CYB5R3: variants seen among roughly 807,000 people sequenced by gnomAD.
CYB5R3 encodes cytochrome b5 reductase 3.
CYB5R3 carries 28 observed loss-of-function variants against 36.5 expected under a neutral mutation model. That is an observed-to-expected ratio of 0.77 (90% CI 0.57 to 1.05). The LOEUF is 1.05. Ranked by LOEUF, CYB5R3 falls within the 50% of genes least tolerant of loss-of-function variation. CYB5R3 has a pLI of 0.00. For missense variants in CYB5R3, 474 were observed against 408.9 expected, an observed-to-expected ratio of 1.16 and a Z score of -1.37; for synonymous variants, 181 against 159.8, an observed-to-expected ratio of 1.13 and a Z score of -1.00.
At chr22:42,636,626 A>G in intron 2 of CYB5R3, 89 bp downstream of exon 2, 1 of 1,555,970 alleles carries the variant, frequency 6.4e-7, no homozygotes, top group Non-Finnish European at 8.7e-7. Flanking sequence ...AACAGTATCT[A>G]CTTCAGAGCA....
chr22:42,630,788 G>A, intron 4 of CYB5R3, 94 bp downstream of exon 4: 2 of 1,097,010 alleles, frequency 1.8e-6, no homozygotes, highest in Non-Finnish European at 2.7e-6. Flanking sequence ...CACAGGGCAG[G>A]AGCGGGAGAC....
chr22:42,622,453 A>C (rs1435311224), intron 8 of CYB5R3, among the ~76,000 whole-genome samples: 1 of 152,178 alleles, frequency 6.6e-6, no homozygotes, highest in Admixed American at 6.5e-5. Context: ...CAGGTGGAGC[A>C]GCCGACCTGG....
Position 42,627,294 on chromosome 22 carries a change from GC to G in CYB5R3, c.633+9del, listed in dbSNP as rs1928322425. ...AGCTGAGTTTCCCCATCATGGGGAT[GC>G]CCACTGACCTGGTTGGCAAAGAGCA... On this transcript the variant is annotated intron_variant, in intron 7 of 8. Transcript: ENST00000352397. 1 of 1,612,608 alleles carries G rather than the reference GC, an allele frequency of 6.2e-7. No individual in the cohort carries two copies. The highest frequency in any genetic ancestry group is 1.3e-5 in the African/African-American group (1 of 74,914).
chr22:42,634,844 G>A, intron 2 of CYB5R3, among the ~76,000 whole-genome samples: 1 of 135,596 alleles, frequency 7.4e-6, no homozygotes, highest in East Asian at 2.5e-4. Flanking sequence ...TTGCTCTGTA[G>A]CCCAGGCTGG....
intron 1 of CYB5R3, among the ~76,000 whole-genome samples, chr22:42,637,763 G>A (rs1015476891): frequency 1.3e-5 from 2 of 152,146 alleles, no homozygotes; most frequent in Non-Finnish European, 2.9e-5. Flanking sequence ...CCACCATTTC[G>A]CAGATGAGGA....
At chr22:42,635,076 TCTC>T (rs1363303110) in intron 2 of CYB5R3, among the ~76,000 whole-genome samples, 2 of 151,990 alleles carry the variant, frequency 1.3e-5, no homozygotes, top group African/African-American at 4.8e-5. Context: ...TTCACGTCAT[TCTC>T]CTGCCTCAGC....
intron 3 of CYB5R3, 143 bp from the exon 4 acceptor site, chr22:42,631,131 C>A: frequency 1.2e-6 from 1 of 844,256 alleles, no homozygotes; most frequent in South Asian, 1.5e-5. Context: ...CCACCCCTCC[C>A]GGGGATTCCC....
intron 1 of CYB5R3, among the ~76,000 whole-genome samples, chr22:42,647,921 A>G (rs934511305): frequency 2.0e-5 from 3 of 152,194 alleles, no homozygotes; most frequent in Non-Finnish European, 4.4e-5. Context: ...GGACGTGGCC[A>G]TAAATCCAAC....
chr22:42,637,090 A>G lies in CYB5R3; in HGVS notation c.22-244T>C, dbSNP rs550878964. On this transcript the variant is annotated intron_variant, in intron 1 of 8. Transcript: ENST00000352397. Reference sequence around the variant, plus strand: ...GCTTCTATGCTCAGTACCATGAGAAAAAGCTCCATTTCCTCTGAAGAGCCA... The same window carrying G: ...GCTTCTATGCTCAGTACCATGAGAAGAAGCTCCATTTCCTCTGAAGAGCCA... Among the ~76,000 whole-genome samples, 8 of 152,320 alleles carry G rather than the reference A, an allele frequency of 5.3e-5. No individual in the cohort carries two copies. In the South Asian group the frequency reaches 1.7e-3, roughly 32 times the overall value.
chr22:42,631,111 C>G, intron 3 of CYB5R3, 123 bp from the exon 4 acceptor site: 1 of 940,586 alleles, frequency 1.1e-6, no homozygotes, highest in Non-Finnish European at 1.7e-6. Flanking sequence ...TCAGCTCCCA[C>G]GGCCCCCTCC....
intron 5 of CYB5R3, among the ~76,000 whole-genome samples, 188 bp from the exon 6 acceptor site, chr22:42,627,876 C>T (rs1012907738): frequency 6.6e-6 from 1 of 152,150 alleles, no homozygotes; most frequent in Non-Finnish European, 1.5e-5. Flanking sequence ...AGGCTCAGCT[C>T]TGTCCTCTTG....
At chr22:42,644,649 T>C in intron 1 of CYB5R3, 1 of 1,424,786 alleles carries the variant, frequency 7.0e-7, no homozygotes, top group East Asian at 2.5e-5. Flanking sequence ...ATTCCTCTGC[T>C]ATCGACCTCT....
intron 2 of CYB5R3, chr22:42,632,276 T>C (rs1484802168): frequency 6.6e-6 from 1 of 151,700 alleles, no homozygotes; most frequent in Non-Finnish European, 1.5e-5. Context: ...GGAGAGGGAG[T>C]GTGAAGAAGC....
chr22:42,630,955 C>G lies in CYB5R3; in HGVS notation c.260G>C (p.Gly87Ala). ...QHIYLSARID[G>A]NLVVRPYTPI... ...TGTATAGGGCCGGACGACCAGGTTT[C>G]CATCAATTCGAGCCGAGAGGTAGAT... The change falls in exon 4 of 9, where the codon GGA (glycine) becomes GCA (alanine). Residue 87 changes from glycine to alanine, a missense_variant. Coordinates refer to ENST00000352397, the MANE Select transcript of CYB5R3 (RefSeq NM_000398.7). 1 of 1,614,024 alleles carries G rather than the reference C, an allele frequency of 6.2e-7. No homozygotes were observed. The highest frequency in any genetic ancestry group is 1.3e-5 in the African/African-American group (1 of 75,050).
At chr22:42,640,231 A>G (rs1353964454) in intron 1 of CYB5R3, 23 of 1,591,346 alleles carry the variant, frequency 1.4e-5, no homozygotes, top group Non-Finnish European at 2.0e-5. Flanking sequence ...AGCATTCACC[A>G]GTGCTGGGGT....
At chr22:42,630,795 A>AGACTTCCCT in intron 4 of CYB5R3, 87 bp downstream of exon 4, 1 of 1,178,698 alleles carries the variant, frequency 8.5e-7, no homozygotes, top group Non-Finnish European at 1.2e-6. Flanking sequence ...CAGGAGCGGG[A>AGACTTCCCT]GACTTCCCTG....
At chr22:42,627,772 C>T in intron 5 of CYB5R3, 84 bp from the exon 6 acceptor site, 1 of 1,027,530 alleles carries the variant, frequency 9.7e-7, no homozygotes, top group African/African-American at 1.6e-5. Context: ...GCTGGAGAAC[C>T]TGCCCCCACT....
At chr22:42,645,208 C>A (rs1038452876) in intron 1 of CYB5R3, among the ~76,000 whole-genome samples, 1 of 152,182 alleles carries the variant, frequency 6.6e-6, no homozygotes, top group Non-Finnish European at 1.5e-5. Context: ...TGGAGCAGAC[C>A]GCAGGATCTG....
chr22:42,629,597 T>G (rs181578265), intron 4 of CYB5R3, among the ~76,000 whole-genome samples: 1 of 152,180 alleles, frequency 6.6e-6, no homozygotes, highest in Non-Finnish European at 1.5e-5. Context: ...GCCAGGGCCC[T>G]TCCCACCCTT....
Sources: allele counts gnomAD v4.1 joint callset (sites outside exome capture counted in the v4.1 genomes callset), GRCh38; gene constraint gnomAD v4.1.1; transcripts MANE v1.5; gene names NCBI Gene and HGNC (gene_info 2026-07-23, HGNC 2026-07-21).